NINJ2: variants seen among roughly 807,000 people sequenced by gnomAD.
The protein encoded by NINJ2 is ninjurin-2.
Under a neutral mutation model 11.7 loss-of-function variants are expected in NINJ2, and 12 were observed. That is an observed-to-expected ratio of 1.02 (90% CI 0.66 to 1.66). NINJ2 has a LOEUF of 1.66. Ranked by LOEUF, NINJ2 falls within the 40% of genes most tolerant of loss-of-function variation. The probability of loss-of-function intolerance (pLI) is 0.00; values close to 1 mark genes in which losing one functional copy is unlikely to be tolerated. For synonymous variants in NINJ2, 93 were observed against 76.8 expected, an observed-to-expected ratio of 1.21 and a Z score of -1.10; for missense variants, 187 against 181.8, an observed-to-expected ratio of 1.03 and a Z score of -0.16.
At chr12:572,092 G>A (rs888975672) in intron 1 of NINJ2, among the ~76,000 whole-genome samples, 3 of 152,244 alleles carry the variant, frequency 2.0e-5, no homozygotes, top group Admixed American at 6.5e-5. Context: ...AGCACTGGAC[G>A]CCTTTTCTTA....
chr12:577,744 T>TG (rs1565621405), intron 1 of NINJ2, among the ~76,000 whole-genome samples: 3 of 143,446 alleles, frequency 2.1e-5, no homozygotes, highest in African/African-American at 8.1e-5. Context: ...TTTGTAGAGA[T>TG]GGGGTCTCAC....
chr12:578,148 C>T (rs1459967942), intron 1 of NINJ2, among the ~76,000 whole-genome samples: 2 of 152,124 alleles, frequency 1.3e-5, no homozygotes, highest in African/African-American at 2.4e-5. Context: ...ATGCAGCCCC[C>T]GGTCACGTAC....
chr12:565,553 C>G, intron 2 of NINJ2, 152 bp from the exon 3 acceptor site: 1 of 795,712 alleles, frequency 1.3e-6, no homozygotes, highest in Non-Finnish European at 2.0e-6. Flanking sequence ...GCTGAGATGC[C>G]TCTGCCCTCG....
chr12:621,120 G>A (rs1948147687), intron 1 of NINJ2, among the ~76,000 whole-genome samples: 1 of 152,158 alleles, frequency 6.6e-6, no homozygotes, highest in South Asian at 2.1e-4. Context: ...CCCTGTGGCA[G>A]TGAAGACAAA....
Position 640,932 on chromosome 12 carries a change from CG to C in NINJ2, c.33+22395del, listed in dbSNP as rs1310464764. 6.6e-6 allele frequency: 1 copy of C among 152,224 alleles called. No individual in the cohort carries two copies. The highest frequency in any genetic ancestry group is 2.4e-5 in the African/African-American group (1 of 41,382). The allele number at this position is 152,224 out of a possible 1,614,324, so 9.4% of individuals were successfully genotyped here. The stretch of plus-strand genomic sequence containing the variant: ...TACAGACCACTCCTAACTTCAGTCC[CG>C]GAAGAATGGAAGGAAGGCTGCAACT... On this transcript the variant is annotated intron_variant, in intron 1 of 3. Coordinates refer to ENST00000305108, the MANE Select transcript of NINJ2 (RefSeq NM_016533.6). The surrounding 1 kb of genome is among the most constrained non-coding windows in gnomAD (Gnocchi z 4.0).
chr12:577,100 C>A (rs1304127465), intron 1 of NINJ2, among the ~76,000 whole-genome samples: 1 of 152,204 alleles, frequency 6.6e-6, no homozygotes, highest in Admixed American at 6.5e-5. Flanking sequence ...CCAGCTTTCG[C>A]ACCATCGTAA....
chr12:649,553 A>ATATAT (rs1592118209), intron 1 of NINJ2, among the ~76,000 whole-genome samples: 4 of 146,456 alleles, frequency 2.7e-5, no homozygotes, highest in Non-Finnish European at 4.5e-5. Context: ...ATATATATAT[A>ATATAT]GTAGCCCATG....
chr12:599,605 CAGAG>C (rs749532161), intron 1 of NINJ2, among the ~76,000 whole-genome samples: 6 of 152,192 alleles, frequency 3.9e-5, no homozygotes, highest in Non-Finnish European at 8.8e-5. Context: ...GAAAACAACT[CAGAG>C]AGGTTAAGAG....
chr12:590,032 C>T (rs146683552), intron 1 of NINJ2, among the ~76,000 whole-genome samples: 1 of 152,302 alleles, frequency 6.6e-6, no homozygotes, highest in African/African-American at 2.4e-5. Flanking sequence ...AGGCTTTGTC[C>T]TGAGGGCAGC....
intron 3 of NINJ2, 121 bp downstream of exon 3, chr12:565,096 G>A (rs756284351): frequency 1.0e-5 from 8 of 762,684 alleles, no homozygotes; most frequent in African/African-American, 3.5e-5. Context: ...CCTTGCTCTC[G>A]GAGCTACAGG....
intron 1 of NINJ2, among the ~76,000 whole-genome samples, chr12:600,594 G>A (rs904890001): frequency 4.6e-5 from 7 of 151,826 alleles, no homozygotes; most frequent in Non-Finnish European, 8.8e-5. Context: ...AAAAAGGGTG[G>A]AGTGGAGAAA....
rs1947274351 is a variant in NINJ2, at chr12:565,199, T to C, written c.*18+18A>G. The C allele has an allele frequency of 1.9e-6, 3 of 1,587,946 alleles. No homozygotes were observed. The African/African-American group carries it at 4.0e-5, about 21-fold the overall frequency. On this transcript the variant is annotated intron_variant, in intron 3 of 3. Coordinates refer to ENST00000305108, the MANE Select transcript of NINJ2 (RefSeq NM_016533.6). ...CCTGGGGAGTCCCTGGAGCTGGGGT[T>C]CCTCCATCCTCCCTCACCTGGGTCC...
At chr12:600,372 G>A (rs969544433) in intron 1 of NINJ2, among the ~76,000 whole-genome samples, 3 of 152,044 alleles carry the variant, frequency 2.0e-5, no homozygotes, top group African/African-American at 7.2e-5. Flanking sequence ...GTGCAACATG[G>A]TGAAACCCCA....
chr12:598,546 G>C (rs143421218), intron 1 of NINJ2, among the ~76,000 whole-genome samples: 6 of 152,194 alleles, frequency 3.9e-5, no homozygotes, highest in Non-Finnish European at 8.8e-5. Context: ...AGGAGAAAGG[G>C]GGGGAGACAT....
intron 1 of NINJ2, chr12:632,158 C>A (rs573428405): frequency 6.6e-6 from 1 of 152,128 alleles, no homozygotes; most frequent in Non-Finnish European, 1.5e-5. Flanking sequence ...AGTCTGAACT[C>A]GGGCTCAGGA....
chr12:613,037 T>C (rs1041523908), intron 1 of NINJ2, among the ~76,000 whole-genome samples: 3 of 152,110 alleles, frequency 2.0e-5, no homozygotes, highest in African/African-American at 4.8e-5. Context: ...CAGAAAGGCT[T>C]AGTGACATGT....
chr12:647,624 G>A (rs1306518364), intron 1 of NINJ2, among the ~76,000 whole-genome samples: 2 of 152,226 alleles, frequency 1.3e-5, no homozygotes, highest in Non-Finnish European at 2.9e-5. Flanking sequence ...TAGTGCAGGT[G>A]CTACAGGACT....
At chr12:565,072 C>T (rs1169722935) in intron 3 of NINJ2, 145 bp downstream of exon 3, 16 of 650,198 alleles carry the variant, frequency 2.5e-5, no homozygotes, top group Non-Finnish European at 4.1e-5. Context: ...AGGCCAGGCT[C>T]TTGCAGATCC....
At chr12:623,738 A>G (rs1948181207) in intron 1 of NINJ2, among the ~76,000 whole-genome samples, 1 of 152,192 alleles carries the variant, frequency 6.6e-6, no homozygotes, top group Admixed American at 6.5e-5. Flanking sequence ...GTTGGGCAAT[A>G]TTTCAAAGAG....
Sources: allele counts gnomAD v4.1 joint callset (sites outside exome capture counted in the v4.1 genomes callset), GRCh38; gene constraint gnomAD v4.1.1; non-coding constraint Gnocchi (gnomAD v3.1); transcripts MANE v1.5; gene names NCBI Gene and HGNC (gene_info 2026-07-23, HGNC 2026-07-21).